The following DAB1 variants were observed in gnomAD, a reference collection of about 807,000 sequenced individuals.
The protein encoded by DAB1 is disabled homolog 1.
In DAB1, 15 loss-of-function variants were observed where a neutral mutation model predicts 64.6. That is an observed-to-expected ratio of 0.23 (90% CI 0.16 to 0.36). The LOEUF is 0.36. Among genes scored for constraint, DAB1 ranks in the 10% least tolerant of loss-of-function variants. DAB1 has a pLI of 1.00. For synonymous variants in DAB1, 235 were observed against 251.9 expected (o/e 0.93, Z 0.64); for missense variants, 596 against 706.7 (o/e 0.84, Z 1.78).
intron 3 of DAB1, among the ~76,000 whole-genome samples, chr1:57,142,974 A>G (rs192884227): frequency 2.6e-5 from 4 of 152,330 alleles, no homozygotes; most frequent in African/African-American, 7.2e-5. Context: ...GACTTCAGCA[A>G]TAATCAAGAT....
At chr1:57,474,808 G>A (rs1643914266) in intron 7 of DAB1, among the ~76,000 whole-genome samples, 1 of 152,126 alleles carries the variant, frequency 6.6e-6, no homozygotes, top group Non-Finnish European at 1.5e-5. Flanking sequence ...CAGCTAAGAA[G>A]TATTATAATA....
chr1:57,786,357 A>G (rs192543447), intron 6 of DAB1, among the ~76,000 whole-genome samples: 1 of 152,236 alleles, frequency 6.6e-6, no homozygotes, highest in Non-Finnish European at 1.5e-5. Flanking sequence ...GATGCTATTA[A>G]TGGCTACCAT....
At chr1:57,771,335 A>G (rs1290949072) in intron 6 of DAB1, among the ~76,000 whole-genome samples, 1 of 152,184 alleles carries the variant, frequency 6.6e-6, no homozygotes, top group Admixed American at 6.6e-5. Flanking sequence ...TCTCTGAAAT[A>G]GAATAATTAG....
intron 4 of DAB1, among the ~76,000 whole-genome samples, chr1:58,216,350 G>A (rs1044356818): frequency 6.6e-6 from 1 of 152,168 alleles, no homozygotes; most frequent in Non-Finnish European, 1.5e-5. Context: ...CCTTGCAAAG[G>A]ACTTGAACTC....
At chr1:58,486,664 A>G (rs1009485951) in intron 3 of DAB1, among the ~76,000 whole-genome samples, 2 of 152,246 alleles carry the variant, frequency 1.3e-5, no homozygotes, top group African/African-American at 2.4e-5. Context: ...AGTTAAGTAC[A>G]TGAAGAAACT....
intron 8 of DAB1, among the ~76,000 whole-genome samples, chr1:57,067,898 G>A (rs554914847): frequency 6.6e-5 from 10 of 152,196 alleles, no homozygotes; most frequent in South Asian, 2.1e-4. Flanking sequence ...ACAATTGTTC[G>A]CTTATTTTAT....
intron 6 of DAB1, among the ~76,000 whole-genome samples, chr1:57,752,528 T>A (rs1026739572): frequency 6.6e-6 from 1 of 152,200 alleles, no homozygotes; most frequent in African/African-American, 2.4e-5. Context: ...TAAAACAAAA[T>A]AAGCTTTCTA....
At chr1:57,056,898 C>A (rs539489442) in intron 9 of DAB1, among the ~76,000 whole-genome samples, 1 of 151,688 alleles carries the variant, frequency 6.6e-6, no homozygotes, top group African/African-American at 2.4e-5. Context: ...GAAATACATT[C>A]GAAAAAGCAA....
At chr1:58,100,826 T>C (rs1254564207) in intron 5 of DAB1, among the ~76,000 whole-genome samples, 1 of 152,156 alleles carries the variant, frequency 6.6e-6, no homozygotes, top group African/African-American at 2.4e-5. Context: ...ATAAACTTTG[T>C]TGAATGAATG....
At chr1:57,797,988 T>C (rs1229051603) in intron 6 of DAB1, among the ~76,000 whole-genome samples, 1 of 152,256 alleles carries the variant, frequency 6.6e-6, no homozygotes, top group Admixed American at 6.5e-5. Flanking sequence ...AAAACCTTTA[T>C]GGGGATTAGA....
intron 4 of DAB1, among the ~76,000 whole-genome samples, chr1:58,196,886 T>C (rs779899540): frequency 1.6e-4 from 25 of 152,198 alleles, no homozygotes; most frequent in Non-Finnish European, 2.6e-4. Flanking sequence ...TATCATCAGA[T>C]ATGGCAAAGA....
At chr1:57,486,476 G>C (rs1644093390) in intron 7 of DAB1, among the ~76,000 whole-genome samples, 2 of 152,290 alleles carry the variant, frequency 1.3e-5, no homozygotes, top group East Asian at 1.9e-4. Context: ...GTTTGTACCT[G>C]TTGTTTTGTC....
intron 6 of DAB1, among the ~76,000 whole-genome samples, chr1:57,786,639 T>C (rs1286667370): frequency 6.6e-6 from 1 of 152,202 alleles, no homozygotes; most frequent in Non-Finnish European, 1.5e-5. Flanking sequence ...TACATTATTA[T>C]GCACATTTAA....
At chr1:57,341,238 A>C (rs1389642789) in intron 1 of DAB1, among the ~76,000 whole-genome samples, 1 of 152,148 alleles carries the variant, frequency 6.6e-6, no homozygotes, top group East Asian at 1.9e-4. Flanking sequence ...GGTTCCCTAC[A>C]TCCAAATGGA....
At chr1:58,237,677 G>A (rs140049906) in intron 4 of DAB1, among the ~76,000 whole-genome samples, 28 of 152,226 alleles carry the variant, frequency 1.8e-4, no homozygotes, top group African/African-American at 3.1e-4. Flanking sequence ...GAAATGCTCC[G>A]TAACAGATTT....
At chr1:57,750,902 C>T (rs906081633) in intron 6 of DAB1, among the ~76,000 whole-genome samples, 3 of 152,158 alleles carry the variant, frequency 2.0e-5, no homozygotes, top group African/African-American at 7.2e-5. Flanking sequence ...ACACGAACTC[C>T]TCTCATTTAC....
At chr1:58,178,623 T>A (rs538703078) in intron 4 of DAB1, among the ~76,000 whole-genome samples, 1 of 152,350 alleles carries the variant, frequency 6.6e-6, no homozygotes, top group East Asian at 1.9e-4. Flanking sequence ...AGCTTTCTGA[T>A]GTTTTATAGT....
chr1:57,253,731 T>G (rs1251068542), intron 2 of DAB1, among the ~76,000 whole-genome samples: 1 of 152,196 alleles, frequency 6.6e-6, no homozygotes, highest in Non-Finnish European at 1.5e-5. Flanking sequence ...CTTTCTTGTG[T>G]CAAAAATCTT....
chr1:58,359,564 G>A (rs1238113671), intron 3 of DAB1, among the ~76,000 whole-genome samples: 1 of 152,158 alleles, frequency 6.6e-6, no homozygotes, highest in African/African-American at 2.4e-5. Flanking sequence ...AGCTGTTCTA[G>A]CTACCCCAGG....
Sources: gnomAD v4.1 joint callset for allele counts (sites outside exome capture counted in the v4.1 genomes callset) on GRCh38, gnomAD v4.1.1 for gene constraint, MANE v1.5 for transcripts, NCBI Gene and HGNC (gene_info 2026-07-23, HGNC 2026-07-21) for gene names.